Variants in SMC6 observed in about 807,000 individuals in gnomAD.
The protein encoded by SMC6 is structural maintenance of chromosomes protein 6.
In SMC6, 79 loss-of-function variants were observed where a neutral mutation model predicts 142.2. The ratio of observed to expected loss-of-function variants is 0.56; its 90% CI spans 0.46 to 0.67. The LOEUF is 0.67. Ranked by LOEUF, SMC6 falls within the 30% of genes least tolerant of loss-of-function variation. The probability of loss-of-function intolerance (pLI) is 0.00; values close to 1 mark genes in which losing one functional copy is unlikely to be tolerated. For missense variants in SMC6, 1,072 were observed against 1,284.0 expected, an observed-to-expected ratio of 0.83 and a Z score of 2.52; for synonymous variants, 411 against 412.4, an observed-to-expected ratio of 1.00 and a Z score of 0.04.
chr2:17,690,120 C>T (rs1667635782), intron 23 of SMC6, among the ~76,000 whole-genome samples: 1 of 152,182 alleles, frequency 6.6e-6, no homozygotes, highest in African/African-American at 2.4e-5. Flanking sequence ...AATTATTTTA[C>T]TTTATAACTA....
intron 3 of SMC6, among the ~76,000 whole-genome samples, chr2:17,745,408 T>C (rs948600919): frequency 6.6e-6 from 1 of 152,230 alleles, no homozygotes; most frequent in Non-Finnish European, 1.5e-5. Context: ...TATTTCGTAC[T>C]GGGTGACTTG....
At chr2:17,679,083 G>C in intron 24 of SMC6, 119 bp from the exon 25 acceptor site, 1 of 621,786 alleles carries the variant, frequency 1.6e-6, no homozygotes, top group Non-Finnish European at 2.7e-6. Flanking sequence ...GTAAACATTG[G>C]TTACTCATTT....
chr2:17,723,417 T>C (rs775946247), intron 9 of SMC6, among the ~76,000 whole-genome samples: 1 of 152,212 alleles, frequency 6.6e-6, no homozygotes, highest in Non-Finnish European at 1.5e-5. Flanking sequence ...TGGCCTCTCA[T>C]CTCTCACACC....
chr2:17,713,341 T>G (rs1668922014), intron 16 of SMC6: 2 of 364,830 alleles, frequency 5.5e-6, no homozygotes, highest in Non-Finnish European at 1.1e-5. Context: ...AGAAGGTACC[T>G]CCTAGCAACT....
intron 24 of SMC6, among the ~76,000 whole-genome samples, chr2:17,683,185 A>G (rs1471001077): frequency 6.6e-6 from 1 of 152,192 alleles, no homozygotes; most frequent in Non-Finnish European, 1.5e-5. Context: ...GTATATTGGT[A>G]TGTATCAGGT....
At chr2:17,689,525 GA>G (rs897998994) in intron 23 of SMC6, among the ~76,000 whole-genome samples, 4 of 151,938 alleles carry the variant, frequency 2.6e-5, no homozygotes, top group African/African-American at 9.7e-5. Context: ...GAATGGTACA[GA>G]AAAAAAAGTA....
intron 3 of SMC6, among the ~76,000 whole-genome samples, chr2:17,744,519 G>A (rs930368042): frequency 3.3e-5 from 5 of 152,100 alleles, no homozygotes. Flanking sequence ...TACATAATCT[G>A]CAAACAGAGA....
chr2:17,704,849 A>G (rs1244679747), intron 18 of SMC6, among the ~76,000 whole-genome samples: 2 of 152,182 alleles, frequency 1.3e-5, no homozygotes, highest in Non-Finnish European at 2.9e-5. Flanking sequence ...ATTTCTGATA[A>G]AAATGGGGCC....
intron 7 of SMC6, among the ~76,000 whole-genome samples, chr2:17,726,858 G>A (rs1669654742): frequency 6.6e-6 from 1 of 152,168 alleles, no homozygotes; most frequent in Non-Finnish European, 1.5e-5. Flanking sequence ...ATGGTAAGGA[G>A]TCAGTCACCT....
At chr2:17,713,888 T>G (rs185752703) in intron 16 of SMC6, among the ~76,000 whole-genome samples, 1 of 152,336 alleles carries the variant, frequency 6.6e-6, no homozygotes, top group East Asian at 1.9e-4. Flanking sequence ...AAAAGACTGA[T>G]GATTTCTCAA....
At chr2:17,750,846 C>CA (rs57638457) in intron 2 of SMC6, among the ~76,000 whole-genome samples, 81 of 150,416 alleles carry the variant, frequency 5.4e-4, no homozygotes, top group African/African-American at 1.8e-3. Flanking sequence ...ACTAAAAATA[C>CA]AAAAAAAAAT....
rs953188100 is a variant in SMC6 at position 17,746,152 on chromosome 2, T to C, written c.-5-201A>G. On this transcript the variant is annotated intron_variant, in intron 2 of 27. Coordinates refer to ENST00000448223, the MANE Select transcript of SMC6 (RefSeq NM_001142286.2). ...AAAAATGCTGGAAAAGGCAAGGAAA[T>C]AGATTTTCCCCTAGAGGCCCTAAAA... The C allele has an allele frequency of 1.0e-5, 5 of 489,566 alleles. No individual in the cohort carries two copies. In the South Asian group the frequency reaches 1.2e-4, roughly 12 times the overall value. The allele number at this position is 489,566 out of a possible 1,614,324, so 30.3% of individuals were successfully genotyped here. A position where few individuals can be genotyped will look rare whatever the true frequency, so the allele number is the denominator to read the frequency against.
chr2:17,681,140 T>G (rs899848946), intron 24 of SMC6: 46 of 152,424 alleles, frequency 3.0e-4, no homozygotes, highest in Admixed American at 1.4e-3. Context: ...TCCTTCAACC[T>G]CATGAACAAA....
At chr2:17,733,556 T>C (rs1670007044) in intron 5 of SMC6, among the ~76,000 whole-genome samples, 1 of 152,240 alleles carries the variant, frequency 6.6e-6, no homozygotes, top group Admixed American at 6.5e-5. Context: ...CAGAAAATTG[T>C]ACTATCTTTG....
chr2:17,742,647 C>A (rs1670531084), intron 3 of SMC6, among the ~76,000 whole-genome samples: 1 of 152,180 alleles, frequency 6.6e-6, no homozygotes, highest in Non-Finnish European at 1.5e-5. Flanking sequence ...CGGCTCTCTT[C>A]TTCTGGACAT....
chr2:17,698,816 T>C (rs1382792430), intron 21 of SMC6, among the ~76,000 whole-genome samples: 1 of 152,124 alleles, frequency 6.6e-6, no homozygotes, highest in Non-Finnish European at 1.5e-5. Flanking sequence ...TCGATTTATC[T>C]GTAGTACGTT....
chr2:17,707,470 TTAATA>T, intron 17 of SMC6, 91 bp from the exon 18 acceptor site: 1 of 688,834 alleles, frequency 1.5e-6, no homozygotes, highest in Non-Finnish European at 2.1e-6. Flanking sequence ...CCTTATTATT[TTAATA>T]TGATTCAAGT....
chr2:17,747,925 G>C (rs887044897), intron 2 of SMC6, among the ~76,000 whole-genome samples: 1 of 152,228 alleles, frequency 6.6e-6, no homozygotes, highest in African/African-American at 2.4e-5. Flanking sequence ...GTGAATGAGA[G>C]TGAAAAGGGC....
intron 16 of SMC6, among the ~76,000 whole-genome samples, chr2:17,709,856 T>A (rs1363955132): frequency 1.3e-5 from 2 of 152,128 alleles, no homozygotes; most frequent in Admixed American, 6.6e-5. Context: ...GAAGACCATT[T>A]CAGACAGAGG....
Sources: gnomAD v4.1 joint callset for allele counts (sites outside exome capture counted in the v4.1 genomes callset) on GRCh38, gnomAD v4.1.1 for gene constraint, MANE v1.5 for transcripts, NCBI Gene and HGNC (gene_info 2026-07-23, HGNC 2026-07-21) for gene names.